The following LIFR variants were observed in gnomAD, a reference collection of about 807,000 sequenced individuals.
LIFR encodes LIF receptor subunit alpha, also known as leukemia inhibitory factor receptor.
Under a neutral mutation model 122.2 loss-of-function variants are expected in LIFR, and 84 were observed. The ratio of observed to expected loss-of-function variants is 0.69; its 90% confidence interval spans 0.58 to 0.82. The LOEUF is 0.82. Ranked by LOEUF, LIFR falls within the 40% of genes least tolerant of loss-of-function variation. The pLI is 0.00. For synonymous variants in LIFR, 422 were observed against 434.7 expected (o/e 0.97, Z 0.36); for missense variants, 1,294 against 1,311.6 (o/e 0.99, Z 0.21).
At chr5:38,560,172 CA>C (rs530359232), upstream of LIFR, among the ~76,000 whole-genome samples, 62 of 135,148 alleles carry the variant, frequency 4.6e-4, no homozygotes, top group East Asian at 1.0e-3. Flanking sequence ...ATTTTGGAAG[CA>C]AAAAAAAAAA....
At chr5:38,540,368 GA>G (rs1561191276) in intron 1 of LIFR, among the ~76,000 whole-genome samples, 1 of 152,150 alleles carries the variant, frequency 6.6e-6, no homozygotes, top group Non-Finnish European at 1.5e-5. Flanking sequence ...GTTGCTGGGG[GA>G]AACACCACCT....
chr5:38,509,420 G>A (rs1745672205), intron 7 of LIFR, among the ~76,000 whole-genome samples: 1 of 152,088 alleles, frequency 6.6e-6, no homozygotes, highest in Admixed American at 6.6e-5. Flanking sequence ...CAAAAAGAGA[G>A]TCAGATTACA....
intron 1 of LIFR, among the ~76,000 whole-genome samples, chr5:38,565,116 C>T (rs1416925810): frequency 6.6e-6 from 1 of 152,112 alleles, no homozygotes; most frequent in African/African-American, 2.4e-5. Flanking sequence ...TTATACTAGA[C>T]TTATATTCAG....
At chr5:38,516,210 T>C (rs1198510483) in intron 5 of LIFR, among the ~76,000 whole-genome samples, 1 of 152,190 alleles carries the variant, frequency 6.6e-6, no homozygotes, top group Non-Finnish European at 1.5e-5. Flanking sequence ...CATTTAAGTT[T>C]GATTTCACTC....
intron 5 of LIFR, among the ~76,000 whole-genome samples, chr5:38,513,276 A>C (rs896316852): frequency 6.6e-6 from 1 of 152,222 alleles, no homozygotes; most frequent in African/African-American, 2.4e-5. Flanking sequence ...TTAAGCATCC[A>C]ATGGGAAATA....
chr5:38,545,667 C>G (rs917127127), intron 1 of LIFR, among the ~76,000 whole-genome samples: 1 of 151,834 alleles, frequency 6.6e-6, no homozygotes, highest in Non-Finnish European at 1.5e-5. Flanking sequence ...TCAAGACCAT[C>G]CTGGCTAACA....
At chr5:38,491,010 C>G (rs2112403754) in intron 14 of LIFR, among the ~76,000 whole-genome samples, 1 of 152,230 alleles carries the variant, frequency 6.6e-6, no homozygotes, top group African/African-American at 2.4e-5. Flanking sequence ...AAAAAGCAAA[C>G]AAACCCACTG....
rs145483792 is a variant in LIFR at position 38,522,985 on chromosome 5, A to G, written c.561+434T>C. ...TGAAAAAACGAGAGAGGGAAAAAGC[A>G]TGTACTGATAAATTCAAGCTTATAG... On this transcript the variant is annotated intron_variant, in intron 5 of 19. Coordinates refer to ENST00000453190, the MANE Select transcript of LIFR (RefSeq NM_001127671.2). Among the ~76,000 whole-genome samples, 696 of 152,322 alleles carry G rather than the reference A, an allele frequency of 4.6e-3. 2 individuals carry two copies. The highest frequency in any genetic ancestry group is 0.014 in the Middle Eastern group (4 of 292).
intron 18 of LIFR, among the ~76,000 whole-genome samples, chr5:38,484,018 T>G (rs1744139249): frequency 6.6e-6 from 1 of 152,160 alleles, no homozygotes; most frequent in African/African-American, 2.4e-5. Flanking sequence ...CATTCCTGTT[T>G]CACCAGGCAC....
chr5:38,602,805 A>T (rs572063082), intron 2 of LIFR, among the ~76,000 whole-genome samples: 11 of 152,280 alleles, frequency 7.2e-5, no homozygotes, highest in African/African-American at 2.6e-4. Context: ...GACAATTATC[A>T]CACTGACTCT....
chr5:38,581,814 C>T (rs1020837981), intron 1 of LIFR, among the ~76,000 whole-genome samples: 1 of 152,206 alleles, frequency 6.6e-6, no homozygotes, highest in African/African-American at 2.4e-5. Flanking sequence ...AAACCTGTCA[C>T]AGGGAGATGG....
rs981041873 is a variant in LIFR, at chr5:38,542,498, T to C, written c.-19-11832A>G. On this transcript the variant is annotated intron_variant, in intron 1 of 19. Transcript: ENST00000453190. ...TTTCCCTCAGCCTGCACAAAGGCAA[T>C]GCTTCTAACCGGTCTCAGGACTTCT... 2.0e-5 allele frequency among the ~76,000 whole-genome samples: 3 copies of C among 152,126 alleles called. No individual in the cohort carries two copies. The East Asian group carries it at 5.8e-4, about 29-fold the overall frequency.
In LIFR at chr5:38,479,855, T is replaced by A. The variant is rs1211796775; in HGVS notation, c.*1740A>T. 2 of 226,464 alleles carry A rather than the reference T, an allele frequency of 8.8e-6. No individual in the cohort carries two copies. Among genetic ancestry groups the A allele is most frequent in the African/African-American group, 4.4e-5 (2 of 44,946 alleles). 14.0% of individuals were successfully genotyped at this position (226,464 alleles called of 1,614,324 possible). ...CATTACTGAACATTTCTATGAACTA[T>A]TATATAGTTTTAATATACTATGTAT... On this transcript the variant is annotated 3_prime_UTR_variant, in exon 20 of 20. Coordinates refer to ENST00000453190, the MANE Select transcript of LIFR (RefSeq NM_001127671.2).
At chr5:38,584,330 C>A (rs1477541011) in intron 1 of LIFR, among the ~76,000 whole-genome samples, 3 of 152,070 alleles carry the variant, frequency 2.0e-5, no homozygotes, top group African/African-American at 4.8e-5. Context: ...CCATATGACC[C>A]AGCAATCCCT....
intron 11 of LIFR, among the ~76,000 whole-genome samples, chr5:38,499,921 T>C (rs1219845057): frequency 6.6e-6 from 1 of 152,190 alleles, no homozygotes; most frequent in Non-Finnish European, 1.5e-5. Flanking sequence ...TCAGGCTCTC[T>C]GCATCTTCTG....
chr5:38,519,879 A>C (rs1454737219), intron 5 of LIFR, among the ~76,000 whole-genome samples: 6 of 152,172 alleles, frequency 3.9e-5, no homozygotes, highest in Non-Finnish European at 8.8e-5. Flanking sequence ...TCTACTGGAC[A>C]CTTAGGTTGA....
chr5:38,477,396 C>T lies in LIFR; in HGVS notation c.*4199G>A. ...AGATGGGCATGACAGCATGAAACTT[C>T]ATTTCAGCAGGAAATAAAGACTTAA... On this transcript the variant is annotated 3_prime_UTR_variant, in exon 20 of 20. Transcript: ENST00000453190. The T allele has an allele frequency of 4.7e-6, 1 of 211,808 alleles. No homozygotes were observed. Among genetic ancestry groups the T allele is most frequent in the Non-Finnish European group, 9.6e-6 (1 of 104,488 alleles). The allele number at this position is 211,808 out of a possible 1,614,324, so 13.1% of individuals were successfully genotyped here. A position where few individuals can be genotyped will look rare whatever the true frequency, so the allele number is the denominator to read the frequency against.
At chr5:38,539,011 A>G (rs1353768873) in intron 1 of LIFR, among the ~76,000 whole-genome samples, 2 of 151,668 alleles carry the variant, frequency 1.3e-5, no homozygotes, top group Non-Finnish European at 2.9e-5. Flanking sequence ...CCCAGGCTGG[A>G]GTGCAGTGGC....
At chr5:38,484,932 A>G in intron 17 of LIFR, 64 bp from the exon 18 acceptor site, 2 of 1,087,930 alleles carry the variant, frequency 1.8e-6, no homozygotes, top group East Asian at 2.4e-5. Context: ...GAATAGATGT[A>G]TGTTAGAAGG....
Sources: allele counts gnomAD v4.1 joint callset (sites outside exome capture counted in the v4.1 genomes callset), GRCh38; gene constraint gnomAD v4.1.1; transcripts MANE v1.5; gene names NCBI Gene and HGNC (gene_info 2026-07-23, HGNC 2026-07-21).